PCDHA9: variants seen among roughly 807,000 people sequenced by gnomAD.
PCDHA9 encodes the protein protocadherin alpha-9.
Under a neutral mutation model 62.0 loss-of-function variants are expected in PCDHA9, and 62 were observed. The ratio of observed to expected loss-of-function variants is 1.00; its 90% confidence interval spans 0.81 to 1.23. The LOEUF (loss-of-function observed/expected upper bound fraction) is 1.23. PCDHA9 is among the 50% of genes most tolerant of loss of function. The pLI is 0.00. For synonymous variants in PCDHA9, 557 were observed against 567.6 expected, an observed-to-expected ratio of 0.98 and a Z score of 0.27; for missense variants, 1,205 against 1,249.8, an observed-to-expected ratio of 0.96 and a Z score of 0.54.
At chr5:140,911,744 C>T (rs758009837) in intron 1 of PCDHA9, among the ~76,000 whole-genome samples, 2 of 151,280 alleles carry the variant, frequency 1.3e-5, no homozygotes, top group Non-Finnish European at 2.9e-5. Flanking sequence ...CAAGGACTAT[C>T]AGTGTTCTCC....
intron 1 of PCDHA9, among the ~76,000 whole-genome samples, chr5:140,930,807 A>G (rs2087132034): frequency 6.6e-6 from 1 of 152,206 alleles, no homozygotes; most frequent in Non-Finnish European, 1.5e-5. Flanking sequence ...AGCATATAAG[A>G]TATGCTTAGT....
At chr5:140,897,915 T>C (rs2066399470) in intron 1 of PCDHA9, among the ~76,000 whole-genome samples, 1 of 152,246 alleles carries the variant, frequency 6.6e-6, no homozygotes. Context: ...ATTGTGGTTT[T>C]GATTTGCGTT....
intron 1 of PCDHA9, chr5:140,928,442 A>G (rs781976941): frequency 1.2e-6 from 2 of 1,614,166 alleles, no homozygotes; most frequent in South Asian, 1.1e-5. Flanking sequence ...GACTTTGAGC[A>G]GCTCAGGGGG....
intron 1 of PCDHA9, chr5:140,870,333 C>T (rs564033882): frequency 1.2e-6 from 2 of 1,614,164 alleles, no homozygotes; most frequent in South Asian, 2.2e-5. Flanking sequence ...TGCTGGACAG[C>T]GCCCTGGACC....
intron 2 of PCDHA9, among the ~76,000 whole-genome samples, chr5:140,981,563 G>A (rs2096938689): frequency 6.6e-6 from 1 of 152,110 alleles, no homozygotes; most frequent in African/African-American, 2.4e-5. Flanking sequence ...GACAGAGTGA[G>A]GCTTTGTCTC....
chr5:140,884,967 G>A (rs895578956), intron 1 of PCDHA9, among the ~76,000 whole-genome samples: 2 of 152,134 alleles, frequency 1.3e-5, no homozygotes, highest in African/African-American at 4.8e-5. Context: ...CTCACGTTGT[G>A]AGAACTTAAA....
intron 3 of PCDHA9, among the ~76,000 whole-genome samples, chr5:141,007,767 G>T (rs1322859075): frequency 6.6e-6 from 1 of 152,142 alleles, no homozygotes; most frequent in African/African-American, 2.4e-5. Context: ...TATTGGCCTG[G>T]AAATGGTACT....
In PCDHA9 at chr5:140,850,549, G is replaced by A; in HGVS notation, c.2054G>A (p.Gly685Asp). Reference sequence around the variant, plus strand: ...AAGTCATCGTCGCGGGCGTCAGTGGGTGCCACGGGCCCCGAGGTGACGCTG... The same window carrying A: ...AAGTCATCGTCGCGGGCGTCAGTGGATGCCACGGGCCCCGAGGTGACGCTG... Reference protein sequence around the residue: ...APKSSSRASVGATGPEVTLVD... With the variant: ...APKSSSRASVDATGPEVTLVD... Residue 685 changes from glycine to aspartate, a missense_variant, in exon 1 of 4, where the codon GGT becomes GAT. Coordinates refer to ENST00000532602, the MANE Select transcript of PCDHA9 (RefSeq NM_031857.2). 2 of 1,598,360 alleles carry A rather than the reference G, an allele frequency of 1.3e-6. No individual in the cohort carries two copies. Among genetic ancestry groups the A allele is most frequent in the Non-Finnish European group, 1.7e-6 (2 of 1,167,852 alleles).
At chr5:140,859,607 C>G (rs1218189350) in intron 1 of PCDHA9, 2 of 161,864 alleles carry the variant, frequency 1.2e-5, no homozygotes, top group Non-Finnish European at 2.7e-5. Flanking sequence ...TTACTTTTTT[C>G]TTTCCTTTCT....
At chr5:140,868,965 G>A (rs2050767308) in intron 1 of PCDHA9, 1 of 1,430,146 alleles carries the variant, frequency 7.0e-7, no homozygotes, top group Non-Finnish European at 9.4e-7. Flanking sequence ...CCATACAAAG[G>A]AACTCCATCA....
intron 1 of PCDHA9, chr5:140,967,461 G>A (rs782466677): frequency 6.8e-6 from 11 of 1,613,572 alleles, no homozygotes; most frequent in Non-Finnish European, 8.5e-6. Context: ...GCCGTGGATG[G>A]GGGCATCCCA....
intron 1 of PCDHA9, chr5:140,859,894 C>T (rs930000447): frequency 6.6e-6 from 1 of 151,852 alleles, no homozygotes; most frequent in Non-Finnish European, 1.5e-5. Context: ...GAAAAAAAAT[C>T]TTCCTTAATG....
intron 1 of PCDHA9, chr5:140,851,454 T>C: frequency 1.1e-6 from 1 of 899,244 alleles, no homozygotes; most frequent in Non-Finnish European, 1.4e-6. Flanking sequence ...ACTTTAGGAA[T>C]CAAATTATGT....
intron 1 of PCDHA9, chr5:140,967,668 C>T (rs1554229751): frequency 1.2e-6 from 2 of 1,614,108 alleles, no homozygotes; most frequent in Non-Finnish European, 8.5e-7. Flanking sequence ...AGCTACACGT[C>T]GGACCGGGAG....
At chr5:140,858,839 C>T (rs1306924023) in intron 1 of PCDHA9, 1 of 317,040 alleles carries the variant, frequency 3.2e-6, no homozygotes, top group Non-Finnish European at 5.9e-6. Context: ...CCAAAAAATT[C>T]CACTGATCTA....
At chr5:140,870,999 A>G (rs782562142) in intron 1 of PCDHA9, 2 of 1,613,456 alleles carry the variant, frequency 1.2e-6, no homozygotes, top group Admixed American at 3.3e-5. Flanking sequence ...AGATAAGCAC[A>G]ACGCGTGCCC....
Position 140,884,013 on chromosome 5 carries a change from C to T in PCDHA9, c.2394+33124C>T, listed in dbSNP as rs148971741. The T allele has an allele frequency of 5.1e-5, 82 of 1,613,132 alleles. No homozygotes were observed. The African/African-American group carries it at 9.2e-4, about 18-fold the overall frequency. On this transcript the variant is annotated intron_variant, in intron 1 of 3. Transcript: ENST00000532602. ...GGAGGCACAGTGAGCGAGCTGATGC[C>T]GCGGTCGGTGGGTGCAGGCCACGTG...
chr5:141,000,419 A>ATTTTTT (rs1563652468), intron 3 of PCDHA9, among the ~76,000 whole-genome samples: 3 of 60,996 alleles, frequency 4.9e-5, no homozygotes, highest in African/African-American at 7.6e-5. Context: ...ATATATATAT[A>ATTTTTT]TATTTTTTTT....
chr5:140,866,357 A>G (rs1397788324), intron 1 of PCDHA9: 1 of 152,156 alleles, frequency 6.6e-6, no homozygotes, highest in Non-Finnish European at 1.5e-5. Flanking sequence ...AATGTTTACA[A>G]TATTGCATAC....
Sources: allele counts gnomAD v4.1 joint callset (sites outside exome capture counted in the v4.1 genomes callset), GRCh38; gene constraint gnomAD v4.1.1; transcripts MANE v1.5; gene names NCBI Gene and HGNC (gene_info 2026-07-23, HGNC 2026-07-21).